MFSD12: variants seen among roughly 807,000 people sequenced by gnomAD.
MFSD12 encodes the protein major facilitator superfamily domain containing 12, also known as major facilitator superfamily domain-containing protein 12.
In MFSD12, 67 loss-of-function variants were observed where a neutral mutation model predicts 51.2. The observed-to-expected ratio is 1.31, with a 90% CI of 1.08 to 1.60. The LOEUF (loss-of-function observed/expected upper bound fraction) is 1.60, where lower values mean the gene tolerates loss of function less well. MFSD12 is among the 40% of genes most tolerant of loss of function. The pLI is 0.00. For synonymous variants in MFSD12, 441 were observed against 316.7 expected (o/e 1.39, Z -4.17); for missense variants, 921 against 673.0 (o/e 1.37, Z -4.08).
downstream of MFSD12, chr19:3,539,588 A>T (rs1417006997): frequency 3.0e-6 from 1 of 329,140 alleles, no homozygotes; most frequent in Non-Finnish European, 5.7e-6. Context: ...TGTGGCTGAG[A>T]GAGTCTGTCC....
chr19:3,546,647 A>ATT (rs1350527979), intron 6 of MFSD12, among the ~76,000 whole-genome samples: 1 of 152,238 alleles, frequency 6.6e-6, no homozygotes, highest in African/African-American at 2.4e-5. Context: ...ACGTGTGGCT[A>ATT]TTCTGCCTGA....
At position 3,557,396 on chromosome 19, in the gene MFSD12, G is replaced by A; in HGVS notation, c.8C>T (p.Pro3Leu). The A allele has an allele frequency of 1.6e-6, 2 of 1,266,406 alleles. No homozygotes were observed. The highest frequency in any genetic ancestry group is 2.0e-6 in the Non-Finnish European group (2 of 1,004,382). 78.4% of individuals were successfully genotyped at this position (1,266,406 alleles called of 1,614,324 possible). A position where few individuals can be genotyped will look rare whatever the true frequency, so the allele number is the denominator to read the frequency against. The change falls in exon 1 of 10, where the codon CCG becomes CTG. Residue 3 changes from proline to leucine, a missense_variant. Transcript: ENST00000355415. ...CGCCGCTCCGGCCGCTGGGGGTCCC[G>A]GGCCCATCGCGGCGCCGGGCCCGCG... is the stretch of plus-strand genomic sequence containing the variant. MG[P>L]GPPAAGAAPS...
In MFSD12 at chr19:3,551,113, G is replaced by A; in HGVS notation, c.380C>T (p.Ala127Val). Reference protein sequence around the residue: ...GCGAATPEWAALLYYGPFIVI... With the variant: ...GCGAATPEWAVLLYYGPFIVI... ...GATGAACGGGCCGTAGTAGAGGAGG[G>A]CAGCCCACTCGGGCGTGGCCGCCCC... is the stretch of plus-strand genomic sequence containing the variant. The change falls in exon 2 of 10, where the codon GCC becomes GTC. Residue 127 changes from alanine to valine, a missense_variant. Ala to Val is a moderately conservative substitution (Grantham distance 64). Coordinates refer to ENST00000355415, the MANE Select transcript of MFSD12 (RefSeq NM_174983.5). This position sits in a 1 kb window ranked among gnomAD's most constrained non-coding sequence, Gnocchi z 4.6. 1 of 1,613,152 alleles carries A rather than the reference G, an allele frequency of 6.2e-7. No homozygotes were observed. Among genetic ancestry groups the A allele is most frequent in the Middle Eastern group, 1.7e-4 (1 of 5,994 alleles).
At chr19:3,547,574 GC>G in intron 4 of MFSD12, 27 bp from the exon 5 acceptor site, 1 of 1,583,560 alleles carries the variant, frequency 6.3e-7, no homozygotes, top group Non-Finnish European at 8.6e-7. Flanking sequence ...AGAGGGACTG[GC>G]AGGGGTCAGG....
At chr19:3,543,975 C>CCTG (rs769415388), downstream of MFSD12, 1 of 1,548,598 alleles carries the variant, frequency 6.5e-7, no homozygotes, top group South Asian at 1.2e-5. Context: ...CACCTGCCAG[C>CCTG]GGTCCCCGCC....
At chr19:3,545,087 C>T in intron 8 of MFSD12, 148 bp from the exon 9 acceptor site, 1 of 1,064,234 alleles carries the variant, frequency 9.4e-7, no homozygotes, top group African/African-American at 1.6e-5. Context: ...CCCTCCTGTC[C>T]CACACCCAAC....
chr19:3,543,226 C>A, downstream of MFSD12: 1 of 1,541,144 alleles, frequency 6.5e-7, no homozygotes, highest in South Asian at 1.2e-5. Context: ...GCCCCCTGCC[C>A]ACCCTCAGCG....
Position 3,551,797 on chromosome 19 carries a change from G to A in MFSD12, c.299-603C>T, listed in dbSNP as rs905704717. ...CAGCCCACGGAGCCCTTTGCGACCTGCCCTGTCCCCTCCGTGCCCTGCCCT... is the reference window on the plus strand; with the variant it reads ...CAGCCCACGGAGCCCTTTGCGACCTACCCTGTCCCCTCCGTGCCCTGCCCT... On this transcript the variant is annotated intron_variant, in intron 1 of 9. Coordinates refer to ENST00000355415, the MANE Select transcript of MFSD12 (RefSeq NM_174983.5). This position sits in a 1 kb window ranked among gnomAD's most constrained non-coding sequence, Gnocchi z 4.6. Among the ~76,000 whole-genome samples the A allele has an allele frequency of 6.6e-6, 1 of 152,112 alleles. No individual in the cohort carries two copies.
downstream of MFSD12, chr19:3,539,246 A>G (rs936708418): frequency 1.0e-5 from 16 of 1,549,252 alleles, no homozygotes; most frequent in East Asian, 2.4e-5. Flanking sequence ...CCAGCTTCCC[A>G]GCACCGCTGT....
chr19:3,538,891 G>C (rs999451913), intron 4 of MFSD12: 14 of 644,374 alleles, frequency 2.2e-5, no homozygotes, highest in Middle Eastern at 3.2e-4. Flanking sequence ...CCCCTCAAGG[G>C]GGTGTGGAGA....
intron 7 of MFSD12, 34 bp from the exon 8 acceptor site, chr19:3,546,202 C>A (rs748932466): frequency 6.2e-6 from 10 of 1,609,218 alleles, no homozygotes; most frequent in African/African-American, 1.3e-5. Context: ...TCAGCGTGCA[C>A]CCCGAGATCT....
chr19:3,552,605 G>T (rs951724842), intron 1 of MFSD12, among the ~76,000 whole-genome samples: 6 of 150,228 alleles, frequency 4.0e-5, no homozygotes, highest in African/African-American at 9.8e-5. Context: ...CTCCCGTGTA[G>T]CTGGGATTAC....
At chr19:3,542,638 T>G (rs957319048), downstream of MFSD12, 2 of 1,048,158 alleles carry the variant, frequency 1.9e-6, no homozygotes, top group Middle Eastern at 4.2e-4. Flanking sequence ...CCCCACACCA[T>G]GCCTGGCTTA....
intron 1 of MFSD12, among the ~76,000 whole-genome samples, chr19:3,553,008 G>A (rs762354839): frequency 3.3e-5 from 5 of 152,154 alleles, no homozygotes; most frequent in Non-Finnish European, 7.3e-5. Context: ...CCCTCCGGAG[G>A]TGACCTCATC....
intron 2 of MFSD12, among the ~76,000 whole-genome samples, chr19:3,550,377 T>C (rs2079765): frequency 0.63 from 95,687 of 151,594 alleles, 31,124 homozygotes; most frequent in East Asian, 0.85. Context: ...AGTGAGACCC[T>C]GTCTCTACAA....
chr19:3,544,837 G>C lies in MFSD12; in HGVS notation c.1392C>G (p.Leu464=). 6.2e-7 allele frequency: 1 copy of C among 1,612,550 alleles called. No homozygotes were observed. The highest frequency in any genetic ancestry group is 2.2e-5 in the East Asian group (1 of 44,874). ...GVAAALCLCS[L]LLWPTRLRRW... ...GTCGCAGGCGGGTCGGCCACAGCAG[G>C]AGGCTACAGAGACACAGGGCAGCGG... The change falls in exon 9 of 10, where the codon CTC becomes CTG. Residue 464 remains leucine, a synonymous_variant. Transcript: ENST00000355415.
At position 3,551,971 on chromosome 19, in the gene MFSD12, T is replaced by C. The variant is rs1715094; in HGVS notation, c.299-777A>G. On this transcript the variant is annotated intron_variant, in intron 1 of 9. Coordinates refer to ENST00000355415, the MANE Select transcript of MFSD12 (RefSeq NM_174983.5). This position sits in a 1 kb window ranked among gnomAD's most constrained non-coding sequence, Gnocchi z 4.6. Reference sequence around the variant, plus strand: ...GCTCTCTCTCACATCTTAGCAAGACTGGCTCCTTTTCACCTCTGGGCTCAA... The same window carrying C: ...GCTCTCTCTCACATCTTAGCAAGACCGGCTCCTTTTCACCTCTGGGCTCAA... Among the ~76,000 whole-genome samples the C allele has an allele frequency of 0.62, 94,611 of 151,778 alleles. 30,348 individuals carry two copies. The highest frequency in any genetic ancestry group is 0.85 in the East Asian group (4,343 of 5,128).
downstream of MFSD12, chr19:3,539,319 G>T (rs1043418610): frequency 1.4e-5 from 15 of 1,087,236 alleles, no homozygotes; most frequent in Admixed American, 1.4e-4. Flanking sequence ...CTCCCTGGGT[G>T]TCAGGTTACA....
At chr19:3,552,072 TTC>T (rs974357166) in intron 1 of MFSD12, among the ~76,000 whole-genome samples, 19 of 152,264 alleles carry the variant, frequency 1.2e-4, no homozygotes, top group African/African-American at 4.3e-4. Context: ...CACCCGGGAA[TTC>T]TCTGTCTGCC....
Sources: gnomAD v4.1 joint callset for allele counts (sites outside exome capture counted in the v4.1 genomes callset) on GRCh38, gnomAD v4.1.1 for gene constraint, Gnocchi (gnomAD v3.1) non-coding constraint, MANE v1.5 for transcripts, NCBI Gene and HGNC (gene_info 2026-07-23, HGNC 2026-07-21) for gene names.